Variants in EZR observed in about 807,000 individuals in gnomAD.
EZR encodes cytovillin 2.
A neutral mutation model predicts 74.8 loss-of-function variants in EZR; 40 were observed. The observed-to-expected ratio is 0.53, with a 90% CI of 0.42 to 0.70. The LOEUF is 0.70. Among genes scored for constraint, EZR ranks in the 30% least tolerant of loss-of-function variants. The pLI, the probability that EZR is intolerant of heterozygous loss-of-function variation, is 0.00. For missense variants in EZR, 678 were observed against 755.8 expected (o/e 0.90, Z 1.21); for synonymous variants, 341 against 283.3 (o/e 1.20, Z -2.05).
intron 2 of EZR, among the ~76,000 whole-genome samples, chr6:158,816,880 G>GT (rs1408355884): frequency 6.6e-6 from 1 of 152,178 alleles, no homozygotes; most frequent in Non-Finnish European, 1.5e-5. Context: ...GAGGTCAGGA[G>GT]TTTTAGACCA....
intron 2 of EZR, among the ~76,000 whole-genome samples, chr6:158,797,041 T>C (rs561859231): frequency 4.6e-5 from 7 of 152,220 alleles, no homozygotes; most frequent in Non-Finnish European, 5.9e-5. Flanking sequence ...TCCCAGGTAT[T>C]TTCCTCATTT....
At chr6:158,811,354 T>C (rs1777447776) in intron 2 of EZR, among the ~76,000 whole-genome samples, 1 of 44,420 alleles carries the variant, frequency 2.3e-5, no homozygotes, top group Admixed American at 1.6e-4. Context: ...AACATCTAAC[T>C]ACCATTAGAA....
chr6:158,785,861 C>T (rs780539447), intron 4 of EZR, among the ~76,000 whole-genome samples: 2 of 151,776 alleles, frequency 1.3e-5, no homozygotes, highest in African/African-American at 4.8e-5. Context: ...GCCTGGGCAA[C>T]GTAGAAGAGA....
At chr6:158,770,430 T>C (rs1469181235) in intron 10 of EZR, among the ~76,000 whole-genome samples, 2 of 152,202 alleles carry the variant, frequency 1.3e-5, no homozygotes, top group African/African-American at 2.4e-5. Flanking sequence ...CAGTGCAGCA[T>C]GGCCCTGTCA....
At chr6:158,816,019 T>C (rs141337024) in intron 2 of EZR, among the ~76,000 whole-genome samples, 1 of 152,350 alleles carries the variant, frequency 6.6e-6, no homozygotes, top group African/African-American at 2.4e-5. Context: ...AGTTCTGACA[T>C]TGCAACATGG....
chr6:158,768,667 A>C (rs973257177), intron 12 of EZR, among the ~76,000 whole-genome samples: 42 of 152,182 alleles, frequency 2.8e-4, no homozygotes, highest in African/African-American at 1.0e-3. Flanking sequence ...AGACGGAGCG[A>C]CAAGCTCTGT....
intron 7 of EZR, among the ~76,000 whole-genome samples, chr6:158,779,050 T>G (rs1333814795): frequency 6.6e-6 from 1 of 152,188 alleles, no homozygotes; most frequent in African/African-American, 2.4e-5. Flanking sequence ...AAGGGAAGGA[T>G]AGTGATTTTA....
intron 2 of EZR, among the ~76,000 whole-genome samples, chr6:158,812,158 G>A (rs3102965): frequency 0.53 from 80,023 of 151,884 alleles, 21,992 homozygotes; most frequent in Non-Finnish European, 0.61. Flanking sequence ...TGAAATTCTT[G>A]TTTTTATGGC....
chr6:158,817,048 G>T (rs1293155090), intron 2 of EZR, among the ~76,000 whole-genome samples: 2 of 152,048 alleles, frequency 1.3e-5, no homozygotes, highest in African/African-American at 4.8e-5. Flanking sequence ...TCATGCCACT[G>T]CACTCCAGCC....
intron 2 of EZR, among the ~76,000 whole-genome samples, chr6:158,808,028 C>T (rs1413822273): frequency 6.6e-6 from 1 of 152,210 alleles, no homozygotes; most frequent in Non-Finnish European, 1.5e-5. Flanking sequence ...CAATGTCTCC[C>T]CAGTACCTGA....
In EZR at chr6:158,818,064, A is replaced by C. The variant is rs1777600113; in HGVS notation, c.12+18T>G. 3.1e-6 allele frequency: 5 copies of C among 1,608,740 alleles called. No individual in the cohort carries two copies. The highest frequency in any genetic ancestry group is 4.2e-6 in the Non-Finnish European group (5 of 1,176,502). On this transcript the variant is annotated intron_variant, in intron 2 of 13. Coordinates refer to ENST00000367075, the MANE Select transcript of EZR (RefSeq NM_001111077.2). ...GAAGCCTCTCCCGTCCGCCCGGCCC[A>C]GAAACTGGGCAACTTACTGGTTTCG...
intron 2 of EZR, among the ~76,000 whole-genome samples, chr6:158,817,445 A>G (rs1007196118): frequency 2.0e-5 from 3 of 152,202 alleles, no homozygotes; most frequent in African/African-American, 7.2e-5. Flanking sequence ...CCGGCCTGCC[A>G]GGAACCTCTT....
intron 2 of EZR, among the ~76,000 whole-genome samples, chr6:158,815,214 T>C (rs1777529407): frequency 6.6e-6 from 1 of 152,164 alleles, no homozygotes; most frequent in Admixed American, 6.5e-5. Flanking sequence ...ATTTTAACAT[T>C]TACTAAGGCA....
At chr6:158,804,638 T>C (rs999034034) in intron 2 of EZR, among the ~76,000 whole-genome samples, 23 of 152,166 alleles carry the variant, frequency 1.5e-4, no homozygotes, top group Non-Finnish European at 1.3e-4. Context: ...AGAGTCGGTT[T>C]TAATTGTAGG....
At chr6:158,803,584 TATATATATATATATATATATAC>T (rs1562504570) in intron 2 of EZR, among the ~76,000 whole-genome samples, 1,185 of 14,250 alleles carry the variant, frequency 0.083, 64 homozygotes, top group Admixed American at 0.28. Context: ...TATATATACA[TATATATATATATATATATATAC>T]ATATATATAT....
At chr6:158,791,532 TA>T (rs1399980200) in intron 2 of EZR, among the ~76,000 whole-genome samples, 1 of 151,918 alleles carries the variant, frequency 6.6e-6, no homozygotes, top group Non-Finnish European at 1.5e-5. Context: ...ACACTAAAAC[TA>T]AAGTGGAGGG....
intron 2 of EZR, among the ~76,000 whole-genome samples, chr6:158,807,451 G>A (rs894415144): frequency 3.3e-5 from 5 of 151,896 alleles, no homozygotes; most frequent in African/African-American, 1.2e-4. Flanking sequence ...CACAGCACCT[G>A]AGAAAGGATG....
intron 10 of EZR, among the ~76,000 whole-genome samples, 161 bp from the exon 11 acceptor site, chr6:158,770,105 T>C (rs990323761): frequency 6.6e-6 from 1 of 152,234 alleles, no homozygotes; most frequent in African/African-American, 2.4e-5. Context: ...ACAGAGCTCA[T>C]TGCTGCTGTA....
chr6:158,805,031 G>C (rs1777304328), intron 2 of EZR, among the ~76,000 whole-genome samples: 1 of 149,698 alleles, frequency 6.7e-6, no homozygotes, highest in African/African-American at 2.5e-5. Context: ...TTTTGTTCTT[G>C]CGATAGTTTA....
Sources: gnomAD v4.1 joint callset for allele counts (sites outside exome capture counted in the v4.1 genomes callset) on GRCh38, gnomAD v4.1.1 for gene constraint, MANE v1.5 for transcripts, NCBI Gene and HGNC (gene_info 2026-07-23, HGNC 2026-07-21) for gene names.